CFAP77: variants seen among roughly 807,000 people sequenced by gnomAD.
CFAP77 encodes cilia- and flagella-associated protein 77.
Under a neutral mutation model 31.1 loss-of-function variants are expected in CFAP77, and 25 were observed. The ratio of observed to expected loss-of-function variants is 0.80; its 90% CI spans 0.59 to 1.12. The LOEUF is 1.12. CFAP77 is among the 50% of genes most tolerant of loss of function. The pLI is 0.00. For missense variants in CFAP77, 377 were observed against 397.3 expected (o/e 0.95, Z 0.44); for synonymous variants, 151 against 159.9 (o/e 0.94, Z 0.42).
At chr9:132,448,190 C>G (rs778275518) in intron 1 of CFAP77, among the ~76,000 whole-genome samples, 10 of 152,182 alleles carry the variant, frequency 6.6e-5, no homozygotes, top group African/African-American at 2.4e-4. Flanking sequence ...CACACACACA[C>G]GCACACATGC....
intron 5 of CFAP77, among the ~76,000 whole-genome samples, chr9:132,548,335 AT>A (rs1852768867): frequency 6.6e-6 from 1 of 151,684 alleles, no homozygotes. Context: ...TATGGTTTGC[AT>A]TTTTTTCAAT....
intron 1 of CFAP77, among the ~76,000 whole-genome samples, chr9:132,483,924 T>G (rs1204279830): frequency 2.0e-5 from 3 of 150,286 alleles, no homozygotes; most frequent in Admixed American, 6.6e-5. Context: ...CTCCTTCCTG[T>G]GGAGGTATTG....
rs996067327 is a variant in CFAP77, at chr9:132,552,925, T to G, written c.732+9878T>G. On this transcript the variant is annotated intron_variant, in intron 5 of 5. Coordinates refer to ENST00000393216, the MANE Select transcript of CFAP77 (RefSeq NM_001282957.2). This position sits in a 1 kb window ranked among gnomAD's most constrained non-coding sequence, Gnocchi z 5.5. The stretch of plus-strand genomic sequence containing the variant: ...GGGGCTTTCAAAGGGAAATGTGCAG[T>G]TGGAGACCGCCTCTGTCTGTTAAAC... 6.6e-6 allele frequency among the ~76,000 whole-genome samples: 1 copy of G among 152,202 alleles called. No individual in the cohort carries two copies. The highest frequency in any genetic ancestry group is 1.9e-4 in the East Asian group (1 of 5,194).
At chr9:132,542,420 G>A (rs975118517) in intron 4 of CFAP77, among the ~76,000 whole-genome samples, 1 of 152,214 alleles carries the variant, frequency 6.6e-6, no homozygotes, top group African/African-American at 2.4e-5. Context: ...GGAGCAGAGG[G>A]GCTTCCACTG....
At chr9:132,447,810 C>T (rs1452839249) in intron 1 of CFAP77, among the ~76,000 whole-genome samples, 1 of 152,200 alleles carries the variant, frequency 6.6e-6, no homozygotes, top group Admixed American at 6.5e-5. Context: ...CCTGCTACTT[C>T]CTCTCTGTAC....
At chr9:132,436,324 ATTCTCTCTTAC>A (rs1850503049) in intron 1 of CFAP77, among the ~76,000 whole-genome samples, 1 of 152,032 alleles carries the variant, frequency 6.6e-6, no homozygotes, top group African/African-American at 2.4e-5. Flanking sequence ...GTCTTCTCAT[ATTCTCTCTTAC>A]GAGGGCACTT....
At chr9:132,475,384 A>G (rs1388199458) in intron 1 of CFAP77, among the ~76,000 whole-genome samples, 1 of 152,178 alleles carries the variant, frequency 6.6e-6, no homozygotes, top group Non-Finnish European at 1.5e-5. Context: ...TGCATCTACC[A>G]CTAGGCCCCT....
chr9:132,507,281 G>A (rs908360861), intron 3 of CFAP77, among the ~76,000 whole-genome samples: 1 of 152,198 alleles, frequency 6.6e-6, no homozygotes, highest in East Asian at 1.9e-4. Context: ...TGCTGAATGA[G>A]TGCATGAACA....
intron 5 of CFAP77, among the ~76,000 whole-genome samples, chr9:132,561,798 C>G (rs1257977113): frequency 6.6e-6 from 1 of 152,288 alleles, no homozygotes; most frequent in South Asian, 2.1e-4. Context: ...CTGCCTGAAC[C>G]CCCCACCTGT....
At chr9:132,544,488 CTATTT>C (rs553701912) in intron 5 of CFAP77, among the ~76,000 whole-genome samples, 2,253 of 135,668 alleles carry the variant, frequency 0.017, 32 homozygotes, top group Middle Eastern at 0.062. Flanking sequence ...TCCTCACTGC[CTATTT>C]TTTTTTTTTT....
chr9:132,529,517 A>C lies in CFAP77; in HGVS notation c.525-8084A>C, dbSNP rs1373427311. 4.5e-4 allele frequency among the ~76,000 whole-genome samples: 40 copies of C among 88,308 alleles called. 2 individuals carry two copies. The East Asian group carries it at 6.8e-3, about 15-fold the overall frequency. The allele number at this position is 88,308 out of a possible 152,430, so 57.9% of individuals were successfully genotyped here. On this transcript the variant is annotated intron_variant, in intron 3 of 5. Transcript: ENST00000393216. ...AAACTTAGAGTATAATAAAAAAAAA[A>C]AACAAAAAAAAAACTAAACACATAC...
chr9:132,541,227 T>C lies in CFAP77; in HGVS notation c.631-1719T>C, dbSNP rs189938426. On this transcript the variant is annotated intron_variant, in intron 4 of 5. Transcript: ENST00000393216. Reference sequence around the variant, plus strand: ...GCAACAGCTACCACTAAGTGAGCCATCATCTTGGCCAGCCGCCCTCCTCAG... The same window carrying C: ...GCAACAGCTACCACTAAGTGAGCCACCATCTTGGCCAGCCGCCCTCCTCAG... Among the ~76,000 whole-genome samples the C allele has an allele frequency of 8.9e-4, 136 of 152,266 alleles. 1 individual carries two copies. Among genetic ancestry groups the C allele is most frequent in the African/African-American group, 3.2e-3 (132 of 41,554 alleles).
chr9:132,459,420 GGTGTGTGTGTGTGT>G (rs112825234), intron 1 of CFAP77, among the ~76,000 whole-genome samples: 1 of 143,872 alleles, frequency 7.0e-6, no homozygotes, highest in African/African-American at 2.6e-5. Flanking sequence ...GGATGAATAG[GGTGTGTGTGTGTGT>G]GTGTGTGTGT....
intron 1 of CFAP77, among the ~76,000 whole-genome samples, chr9:132,473,337 C>T (rs1387131854): frequency 6.6e-6 from 1 of 152,132 alleles, no homozygotes; most frequent in African/African-American, 2.4e-5. Flanking sequence ...GCCAGGCATT[C>T]CCTCATCTAA....
chr9:132,529,507 T>TTAAAAA (rs1554748117), intron 3 of CFAP77, among the ~76,000 whole-genome samples: 1 of 108,834 alleles, frequency 9.2e-6, no homozygotes, highest in African/African-American at 3.3e-5. Flanking sequence ...TAGAGTATAA[T>TTAAAAA]AAAAAAAAAA....
rs144781692 is a variant in CFAP77, at chr9:132,524,036, C to T, written c.525-13565C>T. Among the ~76,000 whole-genome samples the T allele has an allele frequency of 3.7e-3, 569 of 152,070 alleles. 5 individuals are homozygous for T. The highest frequency in any genetic ancestry group is 0.013 in the African/African-American group (521 of 41,502). On this transcript the variant is annotated intron_variant, in intron 3 of 5. Coordinates refer to ENST00000393216, the MANE Select transcript of CFAP77 (RefSeq NM_001282957.2). ...ATTTTTTTTAGAGACAAGGTCTTGC[C>T]ATGCTGCCCAGGCTGGTCTTGAACT...
chr9:132,555,482 C>G (rs943424335), intron 5 of CFAP77, among the ~76,000 whole-genome samples: 1 of 152,134 alleles, frequency 6.6e-6, no homozygotes, highest in East Asian at 1.9e-4. Flanking sequence ...AATTTGCAAC[C>G]GAGCACAAAA....
intron 5 of CFAP77, among the ~76,000 whole-genome samples, chr9:132,546,607 C>T (rs1213761654): frequency 6.6e-6 from 1 of 152,260 alleles, no homozygotes; most frequent in Non-Finnish European, 1.5e-5. Flanking sequence ...TGCCGAGACC[C>T]CCGCGCTGGA....
At chr9:132,489,363 C>T (rs1305155383) in intron 1 of CFAP77, among the ~76,000 whole-genome samples, 1 of 152,072 alleles carries the variant, frequency 6.6e-6, no homozygotes, top group Non-Finnish European at 1.5e-5. Context: ...AGTATTGGGG[C>T]GTGGCTGGGA....
Sources: gnomAD v4.1 joint callset for allele counts (sites outside exome capture counted in the v4.1 genomes callset) on GRCh38, gnomAD v4.1.1 for gene constraint, Gnocchi (gnomAD v3.1) non-coding constraint, MANE v1.5 for transcripts, NCBI Gene and HGNC (gene_info 2026-07-23, HGNC 2026-07-21) for gene names.